SP100: variants seen among roughly 807,000 people sequenced by gnomAD.
SP100 encodes nuclear autoantigen Sp-100.
A neutral mutation model predicts 130.0 loss-of-function variants in SP100; 84 were observed. The observed-to-expected ratio is 0.65, with a 90% CI of 0.54 to 0.77. The LOEUF is 0.77. Among genes scored for constraint, SP100 ranks in the 30% least tolerant of loss-of-function variants. The pLI, the probability that SP100 is intolerant of heterozygous loss-of-function variation, is 0.00. For missense variants in SP100, 978 were observed against 1,052.2 expected, an observed-to-expected ratio of 0.93 and a Z score of 0.97; for synonymous variants, 331 against 351.7, an observed-to-expected ratio of 0.94 and a Z score of 0.66.
intron 17 of SP100, among the ~76,000 whole-genome samples, chr2:230,492,835 C>A (rs1297004021): frequency 6.6e-6 from 1 of 152,108 alleles, no homozygotes; most frequent in Admixed American, 6.5e-5. Flanking sequence ...TTATTTATAC[C>A]TGAAAAATAG....
At chr2:230,433,643 G>C (rs2063162188) in intron 2 of SP100, among the ~76,000 whole-genome samples, 1 of 151,872 alleles carries the variant, frequency 6.6e-6, no homozygotes, top group Non-Finnish European at 1.5e-5. Flanking sequence ...TCACTATTTT[G>C]ATCTTTAATT....
At chr2:230,449,437 G>C in intron 6 of SP100, 124 bp from the exon 7 acceptor site, 4 of 1,086,232 alleles carry the variant, frequency 3.7e-6, no homozygotes, top group Non-Finnish European at 5.7e-6. Flanking sequence ...GCATCTGCTT[G>C]AATCTGGCTG....
chr2:230,474,182 A>G (rs1232555225), intron 16 of SP100, among the ~76,000 whole-genome samples: 1 of 152,238 alleles, frequency 6.6e-6, no homozygotes, highest in Non-Finnish European at 1.5e-5. Context: ...ATTGGTGCAT[A>G]AAAGTAATGA....
At chr2:230,524,196 A>AAAAAAAAAAG (rs1559534607) in intron 24 of SP100, among the ~76,000 whole-genome samples, 3 of 110,226 alleles carry the variant, frequency 2.7e-5, no homozygotes, top group African/African-American at 8.2e-5. Context: ...AAAAAAAAAA[A>AAAAAAAAAAG]AAAAAGAAAA....
intron 17 of SP100, among the ~76,000 whole-genome samples, chr2:230,485,967 C>A (rs2066063525): frequency 6.6e-6 from 1 of 152,124 alleles, no homozygotes; most frequent in Non-Finnish European, 1.5e-5. Flanking sequence ...TTGCATTTTT[C>A]TTCTAGTGGT....
intron 8 of SP100, 137 bp from the exon 9 acceptor site, chr2:230,461,125 T>C (rs1239005564): frequency 4.0e-6 from 3 of 742,494 alleles, no homozygotes; most frequent in African/African-American, 1.8e-5. Flanking sequence ...AGGGACAGAG[T>C]TGAGCAAAAG....
chr2:230,435,403 G>T (rs1169818413), intron 2 of SP100, among the ~76,000 whole-genome samples: 1 of 151,996 alleles, frequency 6.6e-6, no homozygotes, highest in Non-Finnish European at 1.5e-5. Flanking sequence ...TATTGAAAAT[G>T]CTTTTCTACA....
chr2:230,526,147 G>A (rs1227060646), intron 24 of SP100, among the ~76,000 whole-genome samples: 2 of 152,154 alleles, frequency 1.3e-5, no homozygotes, highest in African/African-American at 4.8e-5. Context: ...GGAAACCCCT[G>A]CCAGTAGGGG....
At chr2:230,526,713 T>C (rs573153408) in intron 24 of SP100, among the ~76,000 whole-genome samples, 37 of 152,130 alleles carry the variant, frequency 2.4e-4, no homozygotes, top group African/African-American at 8.7e-4. Context: ...GAATAAACAG[T>C]GTGGAGAAGA....
At chr2:230,463,582 T>C (rs1435949041) in intron 10 of SP100, 1 of 152,666 alleles carries the variant, frequency 6.6e-6, no homozygotes, top group Non-Finnish European at 1.5e-5. Flanking sequence ...TTTTAGACAA[T>C]ATGTACTCTA....
intron 11 of SP100, among the ~76,000 whole-genome samples, chr2:230,465,062 C>T (rs1247112771): frequency 1.3e-5 from 2 of 152,048 alleles, no homozygotes; most frequent in African/African-American, 2.4e-5. Context: ...ATGGTGAAAC[C>T]CTGTCTCTAC....
chr2:230,453,433 G>A (rs1216847695), intron 8 of SP100, among the ~76,000 whole-genome samples: 1 of 152,128 alleles, frequency 6.6e-6, no homozygotes, highest in Non-Finnish European at 1.5e-5. Flanking sequence ...CATTAAGTAT[G>A]GTACTAGCTG....
At chr2:230,481,050 G>GGTGGTA (rs1472326718) in intron 17 of SP100, among the ~76,000 whole-genome samples, 1 of 151,656 alleles carries the variant, frequency 6.6e-6, no homozygotes, top group Non-Finnish European at 1.5e-5. Flanking sequence ...TGGTGGTGGT[G>GGTGGTA]GTGGTGGTGT....
intron 8 of SP100, among the ~76,000 whole-genome samples, chr2:230,453,824 G>A (rs2064135057): frequency 6.6e-6 from 1 of 152,124 alleles, no homozygotes; most frequent in South Asian, 2.1e-4. Flanking sequence ...AATGAGTTTG[G>A]AAGTAGTCCC....
intron 17 of SP100, among the ~76,000 whole-genome samples, chr2:230,481,271 T>G (rs1165938616): frequency 6.6e-6 from 1 of 152,178 alleles, no homozygotes; most frequent in Non-Finnish European, 1.5e-5. Context: ...TACTCCAAAC[T>G]TCTACCTGAA....
At position 230,467,159 on chromosome 2, in the gene SP100, A is replaced by G; in HGVS notation, c.1235A>G (p.Glu412Gly). The G allele has an allele frequency of 6.2e-7, 1 of 1,613,948 alleles. No individual in the cohort carries two copies. The highest frequency in any genetic ancestry group is 8.5e-7 in the Non-Finnish European group (1 of 1,179,860). The stretch of plus-strand genomic sequence containing the variant: ...CACGACTTTTCAGAATCCAGTGAGG[A>G]GGAGGCGCCCGCAGAAGCCTCGAGC... ...QDHDFSESSE[E>G]EAPAEASSGA... The change falls in exon 13 of 29, where the codon GAG becomes GGG. Residue 412 changes from glutamate (E) to glycine (G), a missense_variant. Transcript: ENST00000340126.
intron 17 of SP100, among the ~76,000 whole-genome samples, chr2:230,483,872 C>A (rs1474386748): frequency 6.6e-6 from 1 of 152,166 alleles, no homozygotes; most frequent in East Asian, 1.9e-4. Context: ...TTCGAAGCCT[C>A]TGGTCATATT....
rs1692271563 is a variant in SP100 at position 230,545,029 on chromosome 2, C to G, written c.*2083C>G. On this transcript the variant is annotated 3_prime_UTR_variant, in exon 29 of 29. Transcript: ENST00000340126. ...CACTGTGGAAAGCAGTGTGGCAACT[C>G]CTCATAGTGCTAAAAGCAGAACTGC... Among the ~76,000 whole-genome samples, 1 of 152,186 alleles carries G rather than the reference C, an allele frequency of 6.6e-6. No homozygotes were observed. Among genetic ancestry groups the G allele is most frequent in the African/African-American group, 2.4e-5 (1 of 41,436 alleles).
rs55688845 is a variant in SP100 at position 230,525,586 on chromosome 2, G to A, written c.2095-13681G>A. On this transcript the variant is annotated intron_variant, in intron 24 of 28. Transcript: ENST00000340126. ...TGGACTCTGGCTGCAGCCTACAGAG[G>A]GCAAGCTGAAGCAGGGCAGGGCATC... Among the ~76,000 whole-genome samples the A allele has an allele frequency of 7.5e-3, 1,140 of 152,236 alleles. 14 individuals are homozygous for A. Among genetic ancestry groups the A allele is most frequent in the African/African-American group, 0.026 (1,082 of 41,530 alleles).
Sources: allele counts gnomAD v4.1 joint callset (sites outside exome capture counted in the v4.1 genomes callset), GRCh38; gene constraint gnomAD v4.1.1; transcripts MANE v1.5; gene names NCBI Gene and HGNC (gene_info 2026-07-23, HGNC 2026-07-21).